ANKS1B: variants seen among roughly 807,000 people sequenced by gnomAD.
ANKS1B encodes ankyrin repeat and sterile alpha motif domain containing 1B.
ANKS1B carries 36 observed loss-of-function variants against 148.3 expected under a neutral mutation model. That is an observed-to-expected ratio of 0.24 (90% confidence interval 0.19 to 0.32). The LOEUF is 0.32. Among genes scored for constraint, ANKS1B ranks in the 10% least tolerant of loss-of-function variants. The probability of loss-of-function intolerance (pLI) is 1.00; values close to 1 mark genes in which losing one functional copy is unlikely to be tolerated. For missense variants in ANKS1B, 1,157 were observed against 1,542.6 expected (o/e 0.75, Z 4.19); for synonymous variants, 542 against 560.8 (o/e 0.97, Z 0.47).
At chr12:99,387,085 G>A (rs2093891030) in intron 12 of ANKS1B, among the ~76,000 whole-genome samples, 1 of 152,188 alleles carries the variant, frequency 6.6e-6, no homozygotes, top group African/African-American at 2.4e-5. Context: ...ATAATTTTGT[G>A]TAAGAGATGC....
intron 17 of ANKS1B, among the ~76,000 whole-genome samples, chr12:98,928,360 T>C (rs12368304): frequency 0.037 from 5,666 of 151,358 alleles, 155 homozygotes; most frequent in Non-Finnish European, 0.056. Context: ...ACCAAATACT[T>C]AAAGAATTAA....
intron 15 of ANKS1B, among the ~76,000 whole-genome samples, chr12:99,110,851 C>T (rs796373059): frequency 5.3e-4 from 81 of 152,226 alleles, no homozygotes; most frequent in African/African-American, 1.8e-3. Context: ...ACTAAAATTG[C>T]CATTGCTTCA....
intron 14 of ANKS1B, among the ~76,000 whole-genome samples, chr12:99,209,030 C>G (rs186741358): frequency 1.5e-3 from 233 of 152,160 alleles, no homozygotes; most frequent in African/African-American, 5.2e-3. Flanking sequence ...TAACATGATA[C>G]AATTGGAAAT....
intron 17 of ANKS1B, among the ~76,000 whole-genome samples, chr12:99,052,452 G>A (rs1303436621): frequency 1.3e-5 from 2 of 151,976 alleles, no homozygotes; most frequent in African/African-American, 4.8e-5. Flanking sequence ...AAGGGGCCGG[G>A]CGCGGTGGCT....
chr12:99,316,955 G>C (rs1477101525), intron 12 of ANKS1B, among the ~76,000 whole-genome samples: 2 of 152,144 alleles, frequency 1.3e-5, no homozygotes, highest in South Asian at 2.1e-4. Flanking sequence ...GTTTTTGTCA[G>C]GTTTGTGAAA....
intron 19 of ANKS1B, among the ~76,000 whole-genome samples, chr12:98,813,155 G>A (rs1425139807): frequency 6.6e-6 from 1 of 151,872 alleles, no homozygotes; most frequent in Non-Finnish European, 1.5e-5. Flanking sequence ...TATAATACCA[G>A]TCATAAAATT....
intron 17 of ANKS1B, 122 bp downstream of exon 17, chr12:99,053,035 A>G (rs911304563): frequency 1.6e-5 from 14 of 885,758 alleles, no homozygotes; most frequent in Non-Finnish European, 2.3e-5. Flanking sequence ...AGAGATCGAT[A>G]TTTAAAACAG....
chr12:99,622,201 A>G (rs1262199108), intron 9 of ANKS1B, among the ~76,000 whole-genome samples: 1 of 152,012 alleles, frequency 6.6e-6, no homozygotes, highest in Admixed American at 6.6e-5. Flanking sequence ...TGAAATAAAA[A>G]CAGACACAAC....
chr12:99,812,542 CACACACACACACACACAGAGAGAG>C (rs1352707879), intron 2 of ANKS1B, among the ~76,000 whole-genome samples: 26 of 94,820 alleles, frequency 2.7e-4, no homozygotes, highest in South Asian at 1.3e-3. Flanking sequence ...CACACACACA[CACACACACACACACACAGAGAGAG>C]AGAGAGAGAG....
At chr12:99,511,060 G>A (rs1371642199) in intron 9 of ANKS1B, among the ~76,000 whole-genome samples, 2 of 152,034 alleles carry the variant, frequency 1.3e-5, no homozygotes, top group South Asian at 4.1e-4. Flanking sequence ...CCAATACTAT[G>A]TTGAATAGGA....
At chr12:99,531,188 A>T (rs533734448) in intron 9 of ANKS1B, among the ~76,000 whole-genome samples, 1 of 152,382 alleles carries the variant, frequency 6.6e-6, no homozygotes, top group South Asian at 2.1e-4. Context: ...GTTTGATATT[A>T]AATCAGTATC....
At chr12:99,538,280 C>T (rs780043234) in intron 9 of ANKS1B, among the ~76,000 whole-genome samples, 27 of 151,860 alleles carry the variant, frequency 1.8e-4, no homozygotes, top group Non-Finnish European at 4.0e-4. Flanking sequence ...ATTATCTTTT[C>T]CTATTTCTGT....
At chr12:99,884,127 G>A (rs538166155) in intron 1 of ANKS1B, among the ~76,000 whole-genome samples, 19 of 152,022 alleles carry the variant, frequency 1.2e-4, no homozygotes, top group African/African-American at 4.3e-4. Flanking sequence ...AATTACTTTT[G>A]CAACAACTTA....
intron 17 of ANKS1B, among the ~76,000 whole-genome samples, chr12:98,905,890 C>T (rs969574801): frequency 6.6e-6 from 1 of 152,194 alleles, no homozygotes; most frequent in African/African-American, 2.4e-5. Flanking sequence ...TTAGCCCACT[C>T]TCTTTCTAGT....
chr12:99,614,719 T>C (rs2097936580), intron 9 of ANKS1B, among the ~76,000 whole-genome samples: 1 of 152,096 alleles, frequency 6.6e-6, no homozygotes, highest in Non-Finnish European at 1.5e-5. Context: ...TGTGTATGTT[T>C]ATACTGAACC....
chr12:98,848,224 T>C (rs939688292), intron 17 of ANKS1B, among the ~76,000 whole-genome samples: 5 of 152,244 alleles, frequency 3.3e-5, no homozygotes, highest in African/African-American at 9.6e-5. Flanking sequence ...ATTAGCAACA[T>C]ATGTCATTCA....
Position 99,053,244 on chromosome 12 carries a change from T to C in ANKS1B, c.2691A>G (p.Glu897=), listed in dbSNP as rs2099967403. Residue 897 remains glutamate, a synonymous_variant, in exon 17 of 27, where the codon GAA becomes GAG. Coordinates refer to ENST00000683438, the MANE Select transcript of ANKS1B (RefSeq NM_001352186.2). ...GAAAGGCTTTGGTGTAGTCGCCCAG[T>C]TCAATGGAATCCAGCCACTCAGCTA... is the stretch of plus-strand genomic sequence containing the variant. ...TSVAEWLDSI[E]LGDYTKAFLI... The C allele has an allele frequency of 1.9e-6, 3 of 1,611,674 alleles. No individual in the cohort carries two copies. The highest frequency in any genetic ancestry group is 2.5e-6 in the Non-Finnish European group (3 of 1,178,994).
At chr12:99,730,647 T>C (rs888138395) in intron 8 of ANKS1B, among the ~76,000 whole-genome samples, 1 of 152,118 alleles carries the variant, frequency 6.6e-6, no homozygotes, top group Non-Finnish European at 1.5e-5. Context: ...AAAGCTGATA[T>C]CCTTCCATAG....
chr12:99,493,790 T>C (rs1474223237), intron 10 of ANKS1B, among the ~76,000 whole-genome samples: 1 of 152,142 alleles, frequency 6.6e-6, no homozygotes, highest in Admixed American at 6.5e-5. Context: ...GATATATAAG[T>C]AAATAAGTAG....
Sources: allele counts gnomAD v4.1 joint callset (sites outside exome capture counted in the v4.1 genomes callset), GRCh38; gene constraint gnomAD v4.1.1; transcripts MANE v1.5; gene names NCBI Gene and HGNC (gene_info 2026-07-23, HGNC 2026-07-21).